MYO18A: variants seen among roughly 807,000 people sequenced by gnomAD.
The protein encoded by MYO18A is myosin XVIIIA, also known as unconventional myosin-XVIIIa.
MYO18A carries 78 observed loss-of-function variants against 235.8 expected under a neutral mutation model. The observed-to-expected ratio is 0.33, with a 90% CI of 0.28 to 0.40. The LOEUF (loss-of-function observed/expected upper bound fraction) is 0.40, where lower values mean the gene tolerates loss of function less well. Among genes scored for constraint, MYO18A ranks in the 10% least tolerant of loss-of-function variants. The pLI is 1.00. For missense variants in MYO18A, 2,215 were observed against 2,699.3 expected (o/e 0.82, Z 3.98); for synonymous variants, 977 against 1,077.8 (o/e 0.91, Z 1.83).
chr17:29,118,172 C>T lies in MYO18A; in HGVS notation c.1911G>A (p.Lys637=). ...VPLAKPEEKQ[K]AAQQFSKLQA... ...GCAGCTTACTAAACTGCTGAGCTGC[C>T]TTCTGCTTTTCCTCAGGCTGTGGAG... Residue 637 remains lysine, a synonymous_variant, in exon 10 of 42, where the codon AAG becomes AAA. Transcript: ENST00000527372. The surrounding 1 kb of genome is among the most constrained non-coding windows in gnomAD (Gnocchi z 4.2). 6.3e-7 allele frequency: 1 copy of T among 1,599,890 alleles called. No individual in the cohort carries two copies. The highest frequency in any genetic ancestry group is 8.5e-7 in the Non-Finnish European group (1 of 1,172,448).
At chr17:29,079,675 G>A in intron 41 of MYO18A, 1 of 979,552 alleles carries the variant, frequency 1.0e-6, no homozygotes, top group South Asian at 4.7e-5. Flanking sequence ...GAGGACGTTA[G>A]TTCACACCGG....
intron 2 of MYO18A, among the ~76,000 whole-genome samples, chr17:29,124,014 G>GT (rs1407860324): frequency 6.6e-6 from 1 of 150,862 alleles, no homozygotes; most frequent in Non-Finnish European, 1.5e-5. Context: ...CGCCACTGCA[G>GT]TTCAGCCTGG....
chr17:29,113,242 C>G (rs1568078491), intron 15 of MYO18A, among the ~76,000 whole-genome samples: 1 of 152,246 alleles, frequency 6.6e-6, no homozygotes, highest in Non-Finnish European at 1.5e-5. Flanking sequence ...GCAAGCCAAG[C>G]AGGGCCTCAT....
At chr17:29,154,355 G>A (rs1371819733) in intron 2 of MYO18A, among the ~76,000 whole-genome samples, 1 of 152,090 alleles carries the variant, frequency 6.6e-6, no homozygotes, top group Non-Finnish European at 1.5e-5. Context: ...TGGTCAGGCT[G>A]GTACCCCTAG....
At chr17:29,086,693 A>G in intron 38 of MYO18A, 116 bp from the exon 39 acceptor site, 1 of 1,373,798 alleles carries the variant, frequency 7.3e-7, no homozygotes, top group Admixed American at 2.3e-5. Flanking sequence ...GGGCTGACAC[A>G]GGCTGCCAGA....
At position 29,107,112 on chromosome 17, in the gene MYO18A, C is replaced by G; in HGVS notation, c.3409G>C (p.Gly1137Arg). Residue 1137 changes from glycine (G) to arginine (R), a missense_variant, in exon 20 of 42, where the codon GGG becomes CGG. Coordinates refer to ENST00000527372, the MANE Select transcript of MYO18A (RefSeq NM_078471.4). ...VLAPHLTKKH[G>R]RNYIVVDERR... ...TCATCCACCACGATGTAGTTACGCC[C>G]GTGTTTCTTGGTCAGGTGCGGGGCC... The G allele has an allele frequency of 6.2e-7, 1 of 1,613,994 alleles. No individual in the cohort carries two copies. Among genetic ancestry groups the G allele is most frequent in the Admixed American group, 1.7e-5 (1 of 60,028 alleles).
intron 41 of MYO18A, chr17:29,077,343 C>G (rs1485350789): frequency 2.0e-5 from 3 of 152,278 alleles, no homozygotes; most frequent in Non-Finnish European, 2.9e-5. Context: ...CCAGCGTCTC[C>G]TGCTCAGCAC....
intron 2 of MYO18A, among the ~76,000 whole-genome samples, chr17:29,138,181 C>T (rs557877615): frequency 6.6e-6 from 1 of 152,276 alleles, no homozygotes; most frequent in African/African-American, 2.4e-5. Flanking sequence ...GCCCCTCAGG[C>T]CTGGAATGCC....
At chr17:29,160,214 C>T (rs2068144056) in intron 2 of MYO18A, among the ~76,000 whole-genome samples, 1 of 152,218 alleles carries the variant, frequency 6.6e-6, no homozygotes, top group Non-Finnish European at 1.5e-5. Flanking sequence ...ACAAAATATA[C>T]AGAATAAAAA....
rs2066941725 is a variant in MYO18A, at chr17:29,112,006, ACTGCTGACAC to A, written c.2599-153_2599-144del. ...GCACATGCCGCAGCTCCTGCCGCTC[ACTGCTGACAC>A]CTTGTGGAGGAAGCGGGCAGCCCGG... On this transcript the variant is annotated intron_variant, in intron 15 of 41. Coordinates refer to ENST00000527372, the MANE Select transcript of MYO18A (RefSeq NM_078471.4). 3 of 1,081,624 alleles carry A rather than the reference ACTGCTGACAC, an allele frequency of 2.8e-6. No homozygotes were observed. In the African/African-American group the frequency reaches 4.8e-5, roughly 17 times the overall value. The allele number at this position is 1,081,624 out of a possible 1,614,324, so 67.0% of individuals were successfully genotyped here.
intron 1 of MYO18A, among the ~76,000 whole-genome samples, chr17:29,178,341 G>A (rs1286757062): frequency 6.6e-6 from 1 of 152,122 alleles, no homozygotes; most frequent in Non-Finnish European, 1.5e-5. Context: ...GTCATCAACT[G>A]TTCAAAGTTC....
rs752594846 is a variant in MYO18A at position 29,073,997 on chromosome 17, G to C, written c.*773C>G. 15 of 1,614,012 alleles carry C rather than the reference G, an allele frequency of 9.3e-6. No individual in the cohort carries two copies. The highest frequency in any genetic ancestry group is 1.1e-5 in the Non-Finnish European group (13 of 1,180,016). ...TAGGTCATTGCACATAACACGCTGA[G>C]ACAAAGAGGGTGGGGTGGGGGCTGG... On this transcript the variant is annotated 3_prime_UTR_variant, in exon 42 of 42. Transcript: ENST00000527372.
At chr17:29,086,349 T>C in intron 39 of MYO18A, 89 bp downstream of exon 39, 2 of 1,442,946 alleles carry the variant, frequency 1.4e-6, no homozygotes, top group Non-Finnish European at 1.9e-6. Context: ...GAGGCAGAGG[T>C]TGCAACTGTT....
chr17:29,166,683 G>C lies in MYO18A; in HGVS notation c.258C>G (p.Asn86Lys). ...CCGAGTCCAGGATGACGCTGCCCCGGTTACTATCGGAGTCAATGTCAGTCA... is the reference window on the plus strand; with the variant it reads ...CCGAGTCCAGGATGACGCTGCCCCGCTTACTATCGGAGTCAATGTCAGTCA... ...LHLTDIDSDS[N>K]RGSVILDSGH... The change falls in exon 2 of 42, where the codon AAC becomes AAG. Residue 86 changes from asparagine (N) to lysine (K), a missense_variant. Asn to Lys is a moderately conservative substitution (Grantham distance 94). Coordinates refer to ENST00000527372, the MANE Select transcript of MYO18A (RefSeq NM_078471.4). The C allele has an allele frequency of 6.2e-7, 1 of 1,613,764 alleles. No individual in the cohort carries two copies. The highest frequency in any genetic ancestry group is 8.5e-7 in the Non-Finnish European group (1 of 1,179,820).
At chr17:29,105,798 G>A (rs890838220) in intron 20 of MYO18A, among the ~76,000 whole-genome samples, 2 of 152,074 alleles carry the variant, frequency 1.3e-5, no homozygotes, top group Non-Finnish European at 2.9e-5. Flanking sequence ...CCCCCTGAGG[G>A]CCCACCAAAG....
chr17:29,178,351 C>G (rs2068577894), intron 1 of MYO18A, among the ~76,000 whole-genome samples: 1 of 152,160 alleles, frequency 6.6e-6, no homozygotes, highest in African/African-American at 2.4e-5. Flanking sequence ...GTTCAAAGTT[C>G]AAAGCTCCCA....
Position 29,121,163 on chromosome 17 carries a change from TGTGG to T in MYO18A, c.1416_1419del (p.His473SerfsTer13), listed in dbSNP as rs1422793560. 1 of 1,610,694 alleles carries T rather than the reference TGTGG, an allele frequency of 6.2e-7. No individual in the cohort carries two copies. Among genetic ancestry groups the T allele is most frequent in the Non-Finnish European group, 8.5e-7 (1 of 1,178,614 alleles). ...TATGCGGTCTGGGCCACTGCATAGA[TGTGG>T]GGTGCCATGTCCTCCCGCCGACAAC... is the stretch of plus-strand genomic sequence containing the variant. On this transcript the variant is annotated frameshift_variant, in exon 6 of 42. Transcript: ENST00000527372. LOFTEE classifies it high-confidence loss of function. This position sits in a 1 kb window ranked among gnomAD's most constrained non-coding sequence, Gnocchi z 4.2.
chr17:29,170,878 T>G (rs1316902904), intron 1 of MYO18A, among the ~76,000 whole-genome samples: 1 of 152,110 alleles, frequency 6.6e-6, no homozygotes, highest in Non-Finnish European at 1.5e-5. Context: ...GGAATACTAC[T>G]CAGCAAGAAA....
At position 29,082,431 on chromosome 17, in the gene MYO18A, C is replaced by A. The variant is rs761265148; in HGVS notation, c.5905G>T (p.Asp1969Tyr). 7.4e-6 allele frequency: 12 copies of A among 1,613,020 alleles called. No homozygotes were observed. The Admixed American group carries it at 1.5e-4, about 20-fold the overall frequency. The change falls in exon 41 of 42, where the codon GAC (aspartate) becomes TAC (tyrosine). Residue 1969 changes from aspartate to tyrosine, a missense_variant. Physicochemically the swap from Asp to Tyr is radical, Grantham distance 160. Coordinates refer to ENST00000527372, the MANE Select transcript of MYO18A (RefSeq NM_078471.4). Reference sequence around the variant, plus strand: ...TCCAGCTCCGAGTCCACATCAGAGTCTCCCTCACTGTAGGGATGAGGAGCA... The same window carrying A: ...TCCAGCTCCGAGTCCACATCAGAGTATCCCTCACTGTAGGGATGAGGAGCA... Reference protein sequence around the residue: ...YQKRKNKLEGDSDVDSELEDR... With the variant: ...YQKRKNKLEGYSDVDSELEDR...
Sources: allele counts gnomAD v4.1 joint callset (sites outside exome capture counted in the v4.1 genomes callset), GRCh38; gene constraint gnomAD v4.1.1; non-coding constraint Gnocchi (gnomAD v3.1); transcripts MANE v1.5; gene names NCBI Gene and HGNC (gene_info 2026-07-23, HGNC 2026-07-21).